Variants in BMAL2 observed in about 807,000 individuals in gnomAD.
BMAL2 encodes the protein basic helix-loop-helix ARNT-like protein 2.
the BMAL2 span, among the ~76,000 whole-genome samples, chr12:27,402,879 G>T: frequency 6.6e-6 from 1 of 152,160 alleles, no homozygotes; most frequent in Non-Finnish European, 1.5e-5. Flanking sequence ...ACTCCCAGAG[G>T]TATCACCATG....
At chr12:27,371,157 T>C in the BMAL2 span, among the ~76,000 whole-genome samples, 1 of 152,194 alleles carries the variant, frequency 6.6e-6, no homozygotes, top group Admixed American at 6.5e-5. Context: ...CCTGGAAAAG[T>C]TGACTTAAGC....
chr12:27,395,107 G>A, the BMAL2 span, among the ~76,000 whole-genome samples: 3 of 152,220 alleles, frequency 2.0e-5, no homozygotes, highest in African/African-American at 7.2e-5. Context: ...TAGTTCTCAT[G>A]AGAAAGAAAT....
chr12:27,340,636 C>T, the BMAL2 span, among the ~76,000 whole-genome samples: 2 of 151,954 alleles, frequency 1.3e-5, no homozygotes, highest in Non-Finnish European at 2.9e-5. Context: ...CTTCTGGTTC[C>T]GTGAAGAATG....
the BMAL2 span, among the ~76,000 whole-genome samples, chr12:27,396,163 C>G: frequency 6.6e-6 from 1 of 152,222 alleles, no homozygotes; most frequent in Non-Finnish European, 1.5e-5. Flanking sequence ...TTTGTTACGA[C>G]AACCTGAGCA....
the BMAL2 span, among the ~76,000 whole-genome samples, chr12:27,342,647 A>G: frequency 6.6e-6 from 1 of 152,260 alleles, no homozygotes; most frequent in Non-Finnish European, 1.5e-5. Context: ...TTGAACACGT[A>G]CCAGCTCCCT....
chr12:27,367,644 G>A, the BMAL2 span, among the ~76,000 whole-genome samples: 2 of 152,002 alleles, frequency 1.3e-5, no homozygotes, highest in African/African-American at 4.8e-5. Context: ...TTACAATATA[G>A]GGGGAAAGCC....
chr12:27,384,007 A>C, the BMAL2 span, among the ~76,000 whole-genome samples: 1 of 152,204 alleles, frequency 6.6e-6, no homozygotes, highest in African/African-American at 2.4e-5. Flanking sequence ...TGTGGTTAAA[A>C]TGTCTAAGGA....
chr12:27,355,572 C>T, the BMAL2 span, among the ~76,000 whole-genome samples: 1 of 152,174 alleles, frequency 6.6e-6, no homozygotes, highest in Admixed American at 6.5e-5. Context: ...TGATAGACAC[C>T]ACTTACCTGT....
the BMAL2 span, among the ~76,000 whole-genome samples, chr12:27,372,227 T>C: frequency 4.5e-5 from 2 of 44,058 alleles, no homozygotes; most frequent in South Asian, 2.1e-3. Flanking sequence ...AGAGACTCTA[T>C]CTCAAAAAAA....
the BMAL2 span, among the ~76,000 whole-genome samples, chr12:27,343,835 C>G: frequency 6.6e-6 from 1 of 152,150 alleles, no homozygotes; most frequent in Admixed American, 6.5e-5. Context: ...TTCTTCAGTG[C>G]TTATATCACT....
At chr12:27,387,361 T>C in the BMAL2 span, 2 of 1,375,840 alleles carry the variant, frequency 1.5e-6, no homozygotes, top group African/African-American at 2.9e-5. Context: ...ATGTTTAATT[T>C]TTTGAACAAA....
chr12:27,420,075 C>T, the BMAL2 span, among the ~76,000 whole-genome samples: 1 of 151,070 alleles, frequency 6.6e-6, no homozygotes, highest in African/African-American at 2.4e-5. Context: ...TCCTAGCTTC[C>T]TTCCAGCTCT....
the BMAL2 span, chr12:27,402,667 A>G: frequency 1.9e-6 from 3 of 1,611,878 alleles, no homozygotes; most frequent in East Asian, 2.2e-5. Flanking sequence ...GTAGCTCTCA[A>G]TCATCAGAAG....
At chr12:27,349,537 A>G in the BMAL2 span, among the ~76,000 whole-genome samples, 1 of 152,060 alleles carries the variant, frequency 6.6e-6, no homozygotes, top group Non-Finnish European at 1.5e-5. Context: ...TTTGTCTCAG[A>G]CCTCAGTCAG....
the BMAL2 span, among the ~76,000 whole-genome samples, chr12:27,360,600 G>A: frequency 6.6e-6 from 1 of 151,872 alleles, no homozygotes; most frequent in Non-Finnish European, 1.5e-5. Flanking sequence ...TTGTTTTCCT[G>A]ACACCTTAGG....
chr12:27,410,722 G>C, the BMAL2 span, among the ~76,000 whole-genome samples: 1 of 151,924 alleles, frequency 6.6e-6, no homozygotes, highest in African/African-American at 2.4e-5. Context: ...TTGTGTACAT[G>C]TACCCTAAAA....
At chr12:27,416,037 ATTCTGTC>A in the BMAL2 span, 1 of 897,424 alleles carries the variant, frequency 1.1e-6, no homozygotes, top group Admixed American at 2.8e-5. Flanking sequence ...AAAAGAAGCC[ATTCTGTC>A]AAAAAAAAAA....
At chr12:27,395,391 GATAATCTTGGACGTCTAATA>G in the BMAL2 span, among the ~76,000 whole-genome samples, 1 of 152,160 alleles carries the variant, frequency 6.6e-6, no homozygotes, top group Non-Finnish European at 1.5e-5. Flanking sequence ...AGTCACTGAT[GATAATCTTGGACGTCTAATA>G]ATCTGCGGAC....
the BMAL2 span, among the ~76,000 whole-genome samples, chr12:27,358,751 CA>C: frequency 2.0e-5 from 3 of 152,052 alleles, no homozygotes; most frequent in Non-Finnish European, 4.4e-5. Context: ...CTTATACATG[CA>C]CAAAAAATAT....
Sources: gnomAD v4.1 joint callset for allele counts (sites outside exome capture counted in the v4.1 genomes callset) on GRCh38, gnomAD v4.1.1 for gene constraint, MANE v1.5 for transcripts, NCBI Gene and HGNC (gene_info 2026-07-23, HGNC 2026-07-21) for gene names.